The following L3MBTL4 variants were observed in gnomAD, a reference collection of about 807,000 sequenced individuals.
L3MBTL4 encodes the protein lethal(3)malignant brain tumor-like protein 4.
A neutral mutation model predicts 84.5 loss-of-function variants in L3MBTL4; 70 were observed. The observed-to-expected ratio is 0.83, with a 90% CI of 0.68 to 1.01. The LOEUF is 1.01. Ranked by LOEUF, L3MBTL4 falls within the 50% of genes least tolerant of loss-of-function variation. L3MBTL4 has a pLI of 0.00. For synonymous variants in L3MBTL4, 274 were observed against 259.8 expected (o/e 1.05, Z -0.52); for missense variants, 715 against 754.8 (o/e 0.95, Z 0.62).
chr18:6,133,469 C>T (rs1226507513), intron 14 of L3MBTL4, among the ~76,000 whole-genome samples: 4 of 152,122 alleles, frequency 2.6e-5, no homozygotes, highest in Non-Finnish European at 5.9e-5. Flanking sequence ...CTCGCTAATA[C>T]AGGGCACCCT....
At chr18:6,081,744 C>T (rs1052138152) in intron 15 of L3MBTL4, among the ~76,000 whole-genome samples, 6 of 152,064 alleles carry the variant, frequency 3.9e-5, no homozygotes, top group Non-Finnish European at 5.9e-5. Flanking sequence ...ATGAGGAAAC[C>T]GATTCAGTTA....
At chr18:5,967,702 C>T (rs796364895) in intron 17 of L3MBTL4, among the ~76,000 whole-genome samples, 1 of 152,160 alleles carries the variant, frequency 6.6e-6, no homozygotes, top group Non-Finnish European at 1.5e-5. Flanking sequence ...TGGCTCAGAC[C>T]GAGGATCCGC....
At chr18:6,142,886 C>A (rs1309331405) in intron 13 of L3MBTL4, among the ~76,000 whole-genome samples, 6 of 148,254 alleles carry the variant, frequency 4.0e-5, no homozygotes, top group Non-Finnish European at 6.0e-5. Context: ...GACTGTATCT[C>A]AAAAAAAAAA....
intron 16 of L3MBTL4, chr18:6,029,683 A>C: frequency 1.0e-6 from 1 of 985,360 alleles, no homozygotes. Flanking sequence ...ACAGCTTACT[A>C]TGGTCAAGTT....
In L3MBTL4 at chr18:6,244,616, C is replaced by T. The variant is rs766238076; in HGVS notation, c.220-28G>A. 2.2e-5 allele frequency: 31 copies of T among 1,439,174 alleles called. No individual in the cohort carries two copies. In the East Asian group the frequency reaches 6.8e-4, roughly 32 times the overall value. 89.2% of individuals were successfully genotyped at this position (1,439,174 alleles called of 1,614,324 possible). ...ACAAAATTTCACGACATAACATTAGCCACTGAGATTTCATCACAGTTTTAT... is the reference window on the plus strand; with the variant it reads ...ACAAAATTTCACGACATAACATTAGTCACTGAGATTTCATCACAGTTTTAT... On this transcript the variant is annotated intron_variant, in intron 5 of 18. Coordinates refer to ENST00000317931, the MANE Select transcript of L3MBTL4 (RefSeq NM_001330559.2).
At chr18:6,118,574 G>A (rs1026507197) in intron 14 of L3MBTL4, among the ~76,000 whole-genome samples, 1 of 152,134 alleles carries the variant, frequency 6.6e-6, no homozygotes, top group Non-Finnish European at 1.5e-5. Context: ...TCAGAGAAAA[G>A]AAAGGAACAT....
Position 6,029,515 on chromosome 18 carries a change from A to T in L3MBTL4, c.1444+51366T>A, listed in dbSNP as rs964539193. Reference sequence around the variant, plus strand: ...AAATATACAATCTTTCCATACAGACAATCTTAGGTGGAGGACATCAAGGAA... The same window carrying T: ...AAATATACAATCTTTCCATACAGACTATCTTAGGTGGAGGACATCAAGGAA... On this transcript the variant is annotated intron_variant, in intron 16 of 18. Transcript: ENST00000317931. The T allele has an allele frequency of 7.1e-6, 7 of 983,800 alleles. No homozygotes were observed. In the African/African-American group the frequency reaches 1.0e-4, roughly 15 times the overall value. 60.9% of individuals were successfully genotyped at this position (983,800 alleles called of 1,614,324 possible). A position where few individuals can be genotyped will look rare whatever the true frequency, so the allele number is the denominator to read the frequency against.
At chr18:6,287,321 C>T (rs536503225) in intron 4 of L3MBTL4, among the ~76,000 whole-genome samples, 159 of 152,228 alleles carry the variant, frequency 1.0e-3, no homozygotes, top group African/African-American at 3.4e-3. Context: ...TCAATTGATA[C>T]ACGAGGCTCC....
At chr18:6,072,901 T>A (rs372642795) in intron 16 of L3MBTL4, among the ~76,000 whole-genome samples, 2,890 of 39,432 alleles carry the variant, frequency 0.073, 562 homozygotes, top group African/African-American at 0.18. Flanking sequence ...TATATATATA[T>A]ATATATATAT....
intron 13 of L3MBTL4, among the ~76,000 whole-genome samples, chr18:6,160,727 G>A (rs544280285): frequency 1.6e-4 from 21 of 128,226 alleles, no homozygotes; most frequent in South Asian, 1.2e-3. Context: ...ATAAAGATCC[G>A]TCTCAAAAAA....
chr18:6,375,360 C>T (rs752130461), intron 1 of L3MBTL4, among the ~76,000 whole-genome samples: 1 of 152,108 alleles, frequency 6.6e-6, no homozygotes, highest in Non-Finnish European at 1.5e-5. Context: ...CCTGACCAGC[C>T]GACTTCTCTT....
At chr18:6,059,388 C>T (rs1245397224) in intron 16 of L3MBTL4, among the ~76,000 whole-genome samples, 1 of 152,152 alleles carries the variant, frequency 6.6e-6, no homozygotes, top group Non-Finnish European at 1.5e-5. Flanking sequence ...TGCAGTATAA[C>T]TTTTCTTCAC....
At chr18:6,280,617 T>G (rs546846634) in intron 4 of L3MBTL4, among the ~76,000 whole-genome samples, 29 of 152,348 alleles carry the variant, frequency 1.9e-4, no homozygotes, top group African/African-American at 6.7e-4. Context: ...TCCTTATCCT[T>G]AGAAACTGTG....
At position 6,300,665 on chromosome 18, in the gene L3MBTL4, T is replaced by G. The variant is rs343271; in HGVS notation, c.127+1238A>C. ...TGTTGGCCTCAGTCTGCTTTTCTTT[T>G]TCTAGAGTAAATGTTTCGACCACAG... is the stretch of plus-strand genomic sequence containing the variant. On this transcript the variant is annotated intron_variant, in intron 4 of 18. Transcript: ENST00000317931. 2.9e-3 allele frequency among the ~76,000 whole-genome samples: 448 copies of G among 152,344 alleles called. 4 individuals are homozygous for G. Among genetic ancestry groups the G allele is most frequent in the African/African-American group, 0.01 (417 of 41,580 alleles).
chr18:6,325,574 T>C (rs2051674176), intron 1 of L3MBTL4, among the ~76,000 whole-genome samples: 1 of 152,166 alleles, frequency 6.6e-6, no homozygotes, highest in East Asian at 1.9e-4. Context: ...GTAGTATATA[T>C]AAAGTAAACT....
chr18:6,403,160 C>A (rs570799024), intron 1 of L3MBTL4, among the ~76,000 whole-genome samples: 5 of 152,186 alleles, frequency 3.3e-5, no homozygotes, highest in Admixed American at 1.3e-4. Flanking sequence ...GACATTTATG[C>A]GTATGAAAAA....
At chr18:6,311,873 A>T in intron 2 of L3MBTL4, 125 bp downstream of exon 2, 1 of 368,676 alleles carries the variant, frequency 2.7e-6, no homozygotes, top group Non-Finnish European at 5.0e-6. Context: ...TCTAGAATTT[A>T]TATCATGGGG....
chr18:6,029,619 C>T, intron 16 of L3MBTL4: 1 of 985,140 alleles, frequency 1.0e-6, no homozygotes, highest in Non-Finnish European at 1.2e-6. Context: ...GCAAGTTCTA[C>T]ATAAAGGAAA....
rs922680798 is a variant in L3MBTL4 at position 6,165,311 on chromosome 18, A to G, written c.1096+6517T>C. On this transcript the variant is annotated intron_variant, in intron 13 of 18. Coordinates refer to ENST00000317931, the MANE Select transcript of L3MBTL4 (RefSeq NM_001330559.2). ...ATCTAGCAAGGCAGGCCAACATTCAAATTCAGGAAATACAGAGAATGCCAC... is the reference window on the plus strand; with the variant it reads ...ATCTAGCAAGGCAGGCCAACATTCAGATTCAGGAAATACAGAGAATGCCAC... Among the ~76,000 whole-genome samples, 6 of 152,258 alleles carry G rather than the reference A, an allele frequency of 3.9e-5. No homozygotes were observed. The South Asian group carries it at 1.0e-3, about 26-fold the overall frequency.
Sources: allele counts gnomAD v4.1 joint callset (sites outside exome capture counted in the v4.1 genomes callset), GRCh38; gene constraint gnomAD v4.1.1; transcripts MANE v1.5; gene names NCBI Gene and HGNC (gene_info 2026-07-23, HGNC 2026-07-21).